The following LEFTY1 variants were observed in gnomAD, a reference collection of about 807,000 sequenced individuals.
LEFTY1 encodes left-right determination factor 1.
In LEFTY1, 18 loss-of-function variants were observed where a neutral mutation model predicts 22.6. The observed-to-expected ratio is 0.80, with a 90% confidence interval of 0.55 to 1.18. The LOEUF is 1.18. LEFTY1 is among the 50% of genes most tolerant of loss of function. LEFTY1 has a pLI of 0.00. For missense variants in LEFTY1, 414 were observed against 495.4 expected (o/e 0.84, Z 1.56); for synonymous variants, 201 against 231.5 (o/e 0.87, Z 1.20).
At position 225,886,739 on chromosome 1, in the gene LEFTY1, C is replaced by T; in HGVS notation, c.1089G>A (p.Arg363=). ...CASDGALVPR[R]LQP The stretch of plus-strand genomic sequence containing the variant: ...CTACACTAGGCGCCTATGGCTGGAG[C>T]CTCCTTGGCACGAGCGCACCATCCG... The change falls in exon 4 of 4, where the codon AGG becomes AGA. Residue 363 remains arginine (R), a synonymous_variant. Coordinates refer to ENST00000272134, the MANE Select transcript of LEFTY1 (RefSeq NM_020997.4). The T allele has an allele frequency of 6.2e-7, 1 of 1,613,518 alleles. No homozygotes were observed. Among genetic ancestry groups the T allele is most frequent in the African/African-American group, 1.3e-5 (1 of 75,052 alleles).
chr1:225,887,726 GC>G (rs2102657457), intron 2 of LEFTY1, 59 bp downstream of exon 2: 7 of 1,041,968 alleles, frequency 6.7e-6, no homozygotes, highest in Non-Finnish European at 9.8e-6. Context: ...CCGCGTCCCC[GC>G]CCCCAAGCCG....
chr1:225,888,994 C>T lies in LEFTY1; in HGVS notation c.73G>A (p.Glu25Lys), dbSNP rs549724124. ...CGCAGCAGGCTGCCCAGGAGCTGCT[C>T]CCCGGTCAGGGCGGCCCCGGGGCTG... ...LASPGAALTG[E>K]QLLGSLLRQL... Residue 25 changes from glutamate to lysine, a missense_variant, in exon 1 of 4, where the codon GAG (glutamate) becomes AAG (lysine). Coordinates refer to ENST00000272134, the MANE Select transcript of LEFTY1 (RefSeq NM_020997.4). 3.2e-6 allele frequency: 5 copies of T among 1,575,558 alleles called. No individual in the cohort carries two copies. Among genetic ancestry groups the T allele is most frequent in the Admixed American group, 3.6e-5 (2 of 55,636 alleles).
In LEFTY1 at chr1:225,888,998, G is replaced by A. The variant is rs377030576; in HGVS notation, c.69C>T (p.Thr23=). The A allele has an allele frequency of 4.8e-5, 75 of 1,565,118 alleles. No individual in the cohort carries two copies. Among genetic ancestry groups the A allele is most frequent in the Non-Finnish European group, 5.5e-5 (64 of 1,155,980 alleles). ...GCAGGCTGCCCAGGAGCTGCTCCCC[G>A]GTCAGGGCGGCCCCGGGGCTGGCCA... ...LPLASPGAAL[T]GEQLLGSLLR... is the part of the protein sequence containing the mutation. Residue 23 remains threonine (T), a synonymous_variant, in exon 1 of 4, where the codon ACC becomes ACT. Coordinates refer to ENST00000272134, the MANE Select transcript of LEFTY1 (RefSeq NM_020997.4).
chr1:225,886,552 T>G lies in LEFTY1; in HGVS notation c.*175A>C. On this transcript the variant is annotated 3_prime_UTR_variant, in exon 4 of 4. Transcript: ENST00000272134. ...GCTCTCCAGTGGCCAAAGATTCTCATTCCTGAGAAGCAAAAATTAGGTGAG... is the reference window on the plus strand; with the variant it reads ...GCTCTCCAGTGGCCAAAGATTCTCAGTCCTGAGAAGCAAAAATTAGGTGAG... 1.5e-6 allele frequency: 2 copies of G among 1,312,350 alleles called. No homozygotes were observed. Among genetic ancestry groups the G allele is most frequent in the African/African-American group, 3.0e-5 (2 of 67,426 alleles). 81.3% of individuals were successfully genotyped at this position (1,312,350 alleles called of 1,614,324 possible).
chr1:225,887,090 T>C lies in LEFTY1; in HGVS notation c.738A>G (p.Gly246=), dbSNP rs771946151. Residue 246 remains glycine, a splice_region_variant and synonymous_variant, in exon 4 of 4, where the codon GGA becomes GGG. Transcript: ENST00000272134. ...ELHTLDLGDY[G]AQGDCDPEAP... is the part of the protein sequence containing the mutation. ...CTTCAGGGTCACAGTCGCCCTGAGC[T>C]CTGTGTGGGCAAAGAGAGCAGGGTC... The C allele has an allele frequency of 4.4e-6, 7 of 1,599,314 alleles. No homozygotes were observed. In the East Asian group the frequency reaches 1.3e-4, roughly 31 times the overall value.
rs776571711 is a variant in LEFTY1, at chr1:225,887,987, A to G, written c.296T>C (p.Leu99Pro). The change falls in exon 2 of 4, where the codon CTG becomes CCG. Residue 99 changes from leucine to proline, a missense_variant. By Grantham distance (98) the Leu-to-Pro change is moderately conservative. Around this residue, in one of 2 missense-constraint regions of LEFTY1, gnomAD observed 398 missense variants for 454.7 expected, o/e 0.88. Coordinates refer to ENST00000272134, the MANE Select transcript of LEFTY1 (RefSeq NM_020997.4). ...FLALEASTHL[L>P]VFGMEQRLPP... ...CAGCCGCTGCTCCATGCCGAACACC[A>G]GCAGGTGTGTGCTGGCCTCCAACGC... 5.0e-6 allele frequency: 8 copies of G among 1,590,306 alleles called. No individual in the cohort carries two copies. The African/African-American group carries it at 8.1e-5, about 16-fold the overall frequency.
At chr1:225,887,764 T>C in intron 2 of LEFTY1, 22 bp downstream of exon 2, 2 of 1,488,936 alleles carry the variant, frequency 1.3e-6, no homozygotes, top group Non-Finnish European at 1.8e-6. Context: ...CCCCCTACCC[T>C]GCGCGCCCCC....
In LEFTY1 at chr1:225,888,851, G is replaced by A. The variant is rs139545692; in HGVS notation, c.216C>T (p.Arg72=). 2.5e-6 allele frequency: 4 copies of A among 1,613,200 alleles called. No homozygotes were observed. Among genetic ancestry groups the A allele is most frequent in the Non-Finnish European group, 2.5e-6 (3 of 1,179,824 alleles). ...TCTGGCTGAACCTCTTTCCGCGGGAGCGGTCCCCGTGGCTGCGCTGCAGCA... is the reference window on the plus strand; with the variant it reads ...TCTGGCTGAACCTCTTTCCGCGGGAACGGTCCCCGTGGCTGCGCTGCAGCA... ...VALLQRSHGD[R]SRGKRFSQSF... Residue 72 remains arginine, a synonymous_variant, in exon 1 of 4, where the codon CGC becomes CGT. Coordinates refer to ENST00000272134, the MANE Select transcript of LEFTY1 (RefSeq NM_020997.4).
rs766372196 is a variant in LEFTY1 at position 225,887,980 on chromosome 1, G to T, written c.303C>A (p.Phe101Leu). ...ALEASTHLLVFGMEQRLPPNS... is the reference protein window; with the variant it reads ...ALEASTHLLVLGMEQRLPPNS... Reference sequence around the variant, plus strand: ...TGGGCGGCAGCCGCTGCTCCATGCCGAACACCAGCAGGTGTGTGCTGGCCT... The same window carrying T: ...TGGGCGGCAGCCGCTGCTCCATGCCTAACACCAGCAGGTGTGTGCTGGCCT... The change falls in exon 2 of 4, where the codon TTC becomes TTA. Residue 101 changes from phenylalanine to leucine, a missense_variant. By Grantham distance (22) the Phe-to-Leu change is conservative. Coordinates refer to ENST00000272134, the MANE Select transcript of LEFTY1 (RefSeq NM_020997.4). 3 of 1,589,294 alleles carry T rather than the reference G, an allele frequency of 1.9e-6. No individual in the cohort carries two copies. The highest frequency in any genetic ancestry group is 2.5e-6 in the Non-Finnish European group (3 of 1,177,880).
Position 225,888,762 on chromosome 1 carries a change from G to T in LEFTY1, c.250+55C>A, listed in dbSNP as rs540362482. ...AGGAGCCCTTTGACACCACCGGAGT[G>T]GGCACATCTGACCTGCCCCATGGGA... is the stretch of plus-strand genomic sequence containing the variant. On this transcript the variant is annotated intron_variant, in intron 1 of 3. Transcript: ENST00000272134. The T allele has an allele frequency of 6.2e-6, 10 of 1,608,558 alleles. No individual in the cohort carries two copies. In the African/African-American group the frequency reaches 1.2e-4, roughly 19 times the overall value.
rs1449885998 is a variant in LEFTY1, at chr1:225,887,421, T to C, written c.715A>G (p.Thr239Ala). 1 of 1,613,588 alleles carries C rather than the reference T, an allele frequency of 6.2e-7. No homozygotes were observed. Among genetic ancestry groups the C allele is most frequent in the Non-Finnish European group, 8.5e-7 (1 of 1,179,888 alleles). ...TACCCATAGTCCCCAAGGTCCAGGGTGTGCAGCTCCAGCTGGGGCTCCCCA... is the reference window on the plus strand; with the variant it reads ...TACCCATAGTCCCCAAGGTCCAGGGCGTGCAGCTCCAGCTGGGGCTCCCCA... The part of the protein sequence containing the change: ...GLGEPQLELH[T>A]LDLGDYGAQG... Residue 239 changes from threonine (T) to alanine (A), a missense_variant, in exon 3 of 4, where the codon ACC becomes GCC. By Grantham distance (58) the Thr-to-Ala change is moderately conservative. This residue lies in a region of LEFTY1 where 398 missense variants were observed against 454.7 expected (regional missense o/e 0.88). Coordinates refer to ENST00000272134, the MANE Select transcript of LEFTY1 (RefSeq NM_020997.4).
chr1:225,887,091 C>G lies in LEFTY1; in HGVS notation c.738-1G>C. The G allele has an allele frequency of 6.3e-7, 1 of 1,599,422 alleles. No individual in the cohort carries two copies. Among genetic ancestry groups the G allele is most frequent in the Non-Finnish European group, 8.5e-7 (1 of 1,173,638 alleles). On this transcript the variant is annotated splice_acceptor_variant, in intron 3 of 3. Coordinates refer to ENST00000272134, the MANE Select transcript of LEFTY1 (RefSeq NM_020997.4). LOFTEE classifies it high-confidence loss of function. ...TTCAGGGTCACAGTCGCCCTGAGCT[C>G]TGTGTGGGCAAAGAGAGCAGGGTCA...
Position 225,889,006 on chromosome 1 carries a change from C to T in LEFTY1, c.61G>A (p.Ala21Thr), listed in dbSNP as rs1178352985. The stretch of plus-strand genomic sequence containing the variant: ...CCCAGGAGCTGCTCCCCGGTCAGGG[C>T]GGCCCCGGGGCTGGCCAGGGGCAAC... ...WVLPLASPGA[A>T]LTGEQLLGSL... Residue 21 changes from alanine to threonine, a missense_variant, in exon 1 of 4, where the codon GCC (alanine) becomes ACC (threonine). Around this residue, in one of 2 missense-constraint regions of LEFTY1, gnomAD observed 398 missense variants for 454.7 expected, o/e 0.88. Transcript: ENST00000272134. 5 of 1,544,952 alleles carry T rather than the reference C, an allele frequency of 3.2e-6. No homozygotes were observed. The highest frequency in any genetic ancestry group is 1.2e-5 in the South Asian group (1 of 81,880).
In LEFTY1 at chr1:225,887,463, C is replaced by T. The variant is rs1398397771; in HGVS notation, c.673G>A (p.Gly225Arg). The change falls in exon 3 of 4, where the codon GGG becomes AGG. Residue 225 changes from glycine to arginine, a missense_variant. Around this residue, in one of 2 missense-constraint regions of LEFTY1, gnomAD observed 398 missense variants for 454.7 expected, o/e 0.88. Transcript: ENST00000272134. ...GGCTCCCCAAGCCCGGCTGGCGCCCCCTGCGAGGCAAAGCGGACCAGCTTG... is the reference window on the plus strand; with the variant it reads ...GGCTCCCCAAGCCCGGCTGGCGCCCTCTGCGAGGCAAAGCGGACCAGCTTG... Reference protein sequence around the residue: ...AHKLVRFASQGAPAGLGEPQL... With the variant: ...AHKLVRFASQRAPAGLGEPQL... 1.2e-6 allele frequency: 2 copies of T among 1,612,740 alleles called. No individual in the cohort carries two copies. Among genetic ancestry groups the T allele is most frequent in the African/African-American group, 1.3e-5 (1 of 74,936 alleles).
rs199795988 is a variant in LEFTY1, at chr1:225,888,810, G to A, written c.250+7C>T. Reference sequence around the variant, plus strand: ...GGACCAGGGGCAGCAGGGAGGGAGGGCCTCACCTCGGAAGCTCTGGCTGAA... The same window carrying A: ...GGACCAGGGGCAGCAGGGAGGGAGGACCTCACCTCGGAAGCTCTGGCTGAA... On this transcript the variant is annotated splice_region_variant and intron_variant, in intron 1 of 3. Transcript: ENST00000272134. The A allele has an allele frequency of 6.2e-7, 1 of 1,612,932 alleles. No homozygotes were observed. Among genetic ancestry groups the A allele is most frequent in the Non-Finnish European group, 8.5e-7 (1 of 1,179,750 alleles).
Position 225,887,896 on chromosome 1 carries a change from C to A in LEFTY1, c.387G>T (p.Ala129=). ...GGGACAGCCGCCCGTGCCTGTGCAG[C>A]GCGGCCTTGGGGACCGGCTCCTGGA... ...RLFQEPVPKA[A]LHRHGRLSPR... is the part of the protein sequence containing the mutation. The change falls in exon 2 of 4, where the codon GCG becomes GCT. Residue 129 remains alanine, a synonymous_variant. Transcript: ENST00000272134. 1 of 1,536,074 alleles carries A rather than the reference C, an allele frequency of 6.5e-7. No individual in the cohort carries two copies. The highest frequency in any genetic ancestry group is 8.7e-7 in the Non-Finnish European group (1 of 1,148,384).
At position 225,887,401 on chromosome 1, in the gene LEFTY1, A is replaced by G. The variant is rs756536275; in HGVS notation, c.735T>C (p.Tyr245=). ...LELHTLDLGD[Y]GAQGDCDPEA... ...CCAGTTTGACCCTCAGCACCTACCC[A>G]TAGTCCCCAAGGTCCAGGGTGTGCA... The change falls in exon 3 of 4, where the codon TAT becomes TAC. Residue 245 remains tyrosine, a splice_region_variant and synonymous_variant. Coordinates refer to ENST00000272134, the MANE Select transcript of LEFTY1 (RefSeq NM_020997.4). 3 of 1,613,616 alleles carry G rather than the reference A, an allele frequency of 1.9e-6. No homozygotes were observed. The highest frequency in any genetic ancestry group is 1.7e-5 in the Admixed American group (1 of 60,012).
At chr1:225,887,278 G>T (rs898101994) in intron 3 of LEFTY1, 121 bp downstream of exon 3, 1 of 1,535,610 alleles carries the variant, frequency 6.5e-7, no homozygotes, top group African/African-American at 1.4e-5. Flanking sequence ...AAGAGTCAGA[G>T]GAAGAATTGT....
In LEFTY1 at chr1:225,887,857, C is replaced by G. The variant is rs919296858; in HGVS notation, c.426G>C (p.Arg142=). 61 of 1,531,028 alleles carry G rather than the reference C, an allele frequency of 4.0e-5. No individual in the cohort carries two copies. The highest frequency in any genetic ancestry group is 5.3e-5 in the Non-Finnish European group (61 of 1,145,258). The allele number at this position is 1,531,028 out of a possible 1,614,324, so 94.8% of individuals were successfully genotyped here. A position where few individuals can be genotyped will look rare whatever the true frequency, so the allele number is the denominator to read the frequency against. The stretch of plus-strand genomic sequence containing the variant: ...GCAGCCACTCGACGGTCACCCGGGC[C>G]CGGGCGCTGCGCGGGGACAGCCGCC... ...RHGRLSPRSA[R]ARVTVEWLRV... Residue 142 remains arginine (R), a synonymous_variant, in exon 2 of 4, where the codon CGG becomes CGC. Transcript: ENST00000272134.
Sources: allele counts gnomAD v4.1 joint callset, GRCh38; gene constraint gnomAD v4.1.1; regional missense constraint gnomAD v4.1.1; transcripts MANE v1.5; gene names NCBI Gene and HGNC (gene_info 2026-07-23, HGNC 2026-07-21).